Variants in TMEM117 observed in about 807,000 individuals in gnomAD.
TMEM117 encodes transmembrane protein 117.
Under a neutral mutation model 52.4 loss-of-function variants are expected in TMEM117, and 27 were observed. The observed-to-expected ratio is 0.51, with a 90% CI of 0.38 to 0.71. TMEM117 has a LOEUF of 0.71. Ranked by LOEUF, TMEM117 falls within the 30% of genes least tolerant of loss-of-function variation. The pLI, the probability that TMEM117 is intolerant of heterozygous loss-of-function variation, is 0.00. For missense variants in TMEM117, 556 were observed against 630.5 expected (o/e 0.88, Z 1.26); for synonymous variants, 215 against 206.3 (o/e 1.04, Z -0.36).
intron 2 of TMEM117, among the ~76,000 whole-genome samples, chr12:43,889,085 CT>C (rs111561510): frequency 0.17 from 24,088 of 140,404 alleles, 2,051 homozygotes; most frequent in Middle Eastern, 0.31. Flanking sequence ...GCGTTGGATT[CT>C]TTTTTTTTTT....
intron 4 of TMEM117, among the ~76,000 whole-genome samples, chr12:44,182,769 T>G (rs939520888): frequency 2.6e-5 from 4 of 152,086 alleles, no homozygotes; most frequent in African/African-American, 4.8e-5. Flanking sequence ...TGCAGGTACC[T>G]CATAGCTTAG....
At chr12:43,859,774 A>G (rs892799100) in intron 2 of TMEM117, among the ~76,000 whole-genome samples, 1 of 152,218 alleles carries the variant, frequency 6.6e-6, no homozygotes, top group Non-Finnish European at 1.5e-5. Flanking sequence ...TCTATTCTAA[A>G]TAACATCATT....
At chr12:43,978,406 C>T (rs193264003) in intron 3 of TMEM117, among the ~76,000 whole-genome samples, 13 of 152,060 alleles carry the variant, frequency 8.5e-5, no homozygotes, top group Non-Finnish European at 1.6e-4. Flanking sequence ...ATAGGCTGAA[C>T]GGAAAAGGTC....
chr12:44,024,401 T>C (rs1019443562), intron 3 of TMEM117, among the ~76,000 whole-genome samples: 2 of 152,170 alleles, frequency 1.3e-5, no homozygotes, highest in Non-Finnish European at 2.9e-5. Context: ...GTTACAGTAC[T>C]TATTTCTGTG....
At position 44,291,086 on chromosome 12, in the gene TMEM117, A is replaced by G. The variant is rs1291227217; in HGVS notation, c.609-8494A>G. 2.6e-5 allele frequency among the ~76,000 whole-genome samples: 4 copies of G among 152,284 alleles called. No homozygotes were observed. The East Asian group carries it at 7.7e-4, about 29-fold the overall frequency. On this transcript the variant is annotated intron_variant, in intron 5 of 7. Transcript: ENST00000266534. ...GAATCTGTAGATTTATTTGGGTAATATGGATATTTTAGCAGTATTAATTAT... is the reference window on the plus strand; with the variant it reads ...GAATCTGTAGATTTATTTGGGTAATGTGGATATTTTAGCAGTATTAATTAT...
intron 3 of TMEM117, among the ~76,000 whole-genome samples, chr12:44,047,512 G>A (rs765722371): frequency 3.3e-5 from 5 of 152,076 alleles, no homozygotes; most frequent in African/African-American, 9.7e-5. Context: ...CCATATTCAA[G>A]ACAAAGAGAT....
chr12:43,988,006 TATC>T (rs1679078536), intron 3 of TMEM117, among the ~76,000 whole-genome samples: 1 of 152,172 alleles, frequency 6.6e-6, no homozygotes, highest in Non-Finnish European at 1.5e-5. Context: ...AGGGTATTGT[TATC>T]ATATTCTAAT....
intron 2 of TMEM117, among the ~76,000 whole-genome samples, chr12:43,897,164 C>T (rs888046617): frequency 6.6e-6 from 1 of 152,294 alleles, no homozygotes; most frequent in Non-Finnish European, 1.5e-5. Context: ...TCTTCTCAGT[C>T]TACATTTTCC....
At chr12:44,379,140 G>A (rs1565776266) in intron 7 of TMEM117, among the ~76,000 whole-genome samples, 1 of 151,136 alleles carries the variant, frequency 6.6e-6, no homozygotes, top group East Asian at 2.0e-4. Context: ...AAGAAAGGAA[G>A]AAAGAGGAGG....
intron 3 of TMEM117, among the ~76,000 whole-genome samples, chr12:43,967,962 C>G (rs79095623): frequency 0.011 from 1,722 of 152,322 alleles, 13 homozygotes; most frequent in Non-Finnish European, 0.017. Flanking sequence ...TTTTCCTATG[C>G]TCTCCTGCAT....
intron 3 of TMEM117, among the ~76,000 whole-genome samples, chr12:43,994,494 G>A (rs953626456): frequency 2.6e-5 from 4 of 152,050 alleles, no homozygotes; most frequent in African/African-American, 9.7e-5. Flanking sequence ...CAATCTTTAA[G>A]CTTTGTTATT....
intron 5 of TMEM117, among the ~76,000 whole-genome samples, chr12:44,232,881 G>T (rs1470622320): frequency 1.3e-5 from 2 of 150,486 alleles, no homozygotes; most frequent in East Asian, 3.9e-4. Context: ...CTAGCACTTG[G>T]TATTTTTAAA....
chr12:43,841,507 A>G (rs984959322), intron 1 of TMEM117, among the ~76,000 whole-genome samples: 1 of 152,212 alleles, frequency 6.6e-6, no homozygotes, highest in Non-Finnish European at 1.5e-5. Context: ...CCTAAATAAT[A>G]TAAATGCTGG....
chr12:44,063,732 C>G (rs1007298926), intron 3 of TMEM117, among the ~76,000 whole-genome samples: 1 of 151,376 alleles, frequency 6.6e-6, no homozygotes, highest in Non-Finnish European at 1.5e-5. Flanking sequence ...GTATTTTGTC[C>G]TTCCCTCTGT....
At chr12:44,087,250 C>T (rs979384214) in intron 3 of TMEM117, among the ~76,000 whole-genome samples, 1 of 151,766 alleles carries the variant, frequency 6.6e-6, no homozygotes, top group East Asian at 1.9e-4. Context: ...AATCAATATT[C>T]GTATTGCCCT....
At chr12:44,370,015 T>C (rs17094544) in intron 6 of TMEM117, among the ~76,000 whole-genome samples, 2,847 of 152,302 alleles carry the variant, frequency 0.019, 97 homozygotes, top group African/African-American at 0.065. Flanking sequence ...AGGGCATCTC[T>C]TAACATTCAA....
chr12:43,986,187 TG>T (rs1278087922), intron 3 of TMEM117, among the ~76,000 whole-genome samples: 1 of 152,154 alleles, frequency 6.6e-6, no homozygotes, highest in African/African-American at 2.4e-5. Context: ...AATTTTTTTG[TG>T]TAAATGTAAA....
intron 6 of TMEM117, among the ~76,000 whole-genome samples, chr12:44,317,220 C>T (rs1328481666): frequency 6.7e-6 from 1 of 149,892 alleles, no homozygotes; most frequent in Non-Finnish European, 1.5e-5. Context: ...GAGACACTGG[C>T]ACTTCTAATT....
chr12:44,123,194 C>T (rs1191315693), intron 3 of TMEM117, among the ~76,000 whole-genome samples: 3 of 150,876 alleles, frequency 2.0e-5, no homozygotes, highest in South Asian at 2.1e-4. Flanking sequence ...GTTGGCTGTA[C>T]GTATTTCTTC....
Sources: gnomAD v4.1 joint callset for allele counts (sites outside exome capture counted in the v4.1 genomes callset) on GRCh38, gnomAD v4.1.1 for gene constraint, MANE v1.5 for transcripts, NCBI Gene and HGNC (gene_info 2026-07-23, HGNC 2026-07-21) for gene names.